EHBP1: variants seen among roughly 807,000 people sequenced by gnomAD.
EHBP1 encodes EH domain-binding protein 1.
EHBP1 carries 55 observed loss-of-function variants against 144.0 expected under a neutral mutation model. The observed-to-expected ratio is 0.38, with a 90% CI of 0.31 to 0.48. The LOEUF (loss-of-function observed/expected upper bound fraction) is 0.48. Ranked by LOEUF, EHBP1 falls within the 20% of genes least tolerant of loss-of-function variation. The pLI, the probability that EHBP1 is intolerant of heterozygous loss-of-function variation, is 0.98. For synonymous variants in EHBP1, 469 were observed against 472.7 expected (o/e 0.99, Z 0.10); for missense variants, 1,200 against 1,364.2 (o/e 0.88, Z 1.90).
rs1048906489 is a variant in EHBP1, at chr2:62,707,047, G to C, written c.-145G>C. ...GATTTACCCTGTGAAACAGGGAGAA[G>C]ACTTATGGACCCCAAGCATCATTTC... On this transcript the variant is annotated 5_prime_UTR_variant, in exon 2 of 23. Transcript: ENST00000431489. 4.5e-5 allele frequency: 28 copies of C among 620,624 alleles called. No individual in the cohort carries two copies. The allele number at this position is 620,624 out of a possible 1,614,324, so 38.4% of individuals were successfully genotyped here.
intron 10 of EHBP1, among the ~76,000 whole-genome samples, chr2:62,940,673 T>C (rs989772089): frequency 3.3e-5 from 5 of 152,208 alleles, no homozygotes; most frequent in Admixed American, 6.5e-5. Context: ...ACAACGGCTC[T>C]ATGATTTTCT....
chr2:62,740,490 A>G (rs2038599821), intron 2 of EHBP1, among the ~76,000 whole-genome samples: 1 of 152,192 alleles, frequency 6.6e-6, no homozygotes, highest in African/African-American at 2.4e-5. Flanking sequence ...ATTACTTGAG[A>G]AAAAGTAAAG....
intron 14 of EHBP1, chr2:62,956,135 T>C (rs2057683038): frequency 6.6e-6 from 1 of 152,350 alleles, no homozygotes; most frequent in South Asian, 2.1e-4. Context: ...AGTCAATAAA[T>C]GGTGAATCCA....
chr2:62,742,117 A>G (rs2038767842), intron 2 of EHBP1, among the ~76,000 whole-genome samples: 1 of 152,134 alleles, frequency 6.6e-6, no homozygotes, highest in Non-Finnish European at 1.5e-5. Context: ...GCTCTACCAT[A>G]TAGTCTAGGT....
intron 19 of EHBP1, among the ~76,000 whole-genome samples, chr2:63,007,574 C>T (rs2060095116): frequency 6.6e-6 from 1 of 151,632 alleles, no homozygotes; most frequent in Non-Finnish European, 1.5e-5. Context: ...TTTCTTATTT[C>T]CTAGTTATAA....
At position 62,989,473 on chromosome 2, in the gene EHBP1, C is replaced by T. The variant is rs10196734; in HGVS notation, c.2609-1243C>T. On this transcript the variant is annotated intron_variant, in intron 15 of 22. Coordinates refer to ENST00000431489, the MANE Select transcript of EHBP1 (RefSeq NM_001142616.3). Reference sequence around the variant, plus strand: ...TAAGGGGAGAATTTTCTAGTTTCAGCTGTAGCAACTTTGGGGGATACTTTA... The same window carrying T: ...TAAGGGGAGAATTTTCTAGTTTCAGTTGTAGCAACTTTGGGGGATACTTTA... Among the ~76,000 whole-genome samples the T allele has an allele frequency of 2.4e-3, 371 of 152,198 alleles. 1 individual carries two copies. Among genetic ancestry groups the T allele is most frequent in the African/African-American group, 8.5e-3 (354 of 41,562 alleles).
intron 3 of EHBP1, among the ~76,000 whole-genome samples, chr2:62,749,774 A>G (rs2039504165): frequency 1.3e-5 from 2 of 152,216 alleles, no homozygotes; most frequent in African/African-American, 4.8e-5. Flanking sequence ...GGCTGCATAA[A>G]TGTCTTCTTT....
At chr2:62,950,845 C>A (rs571286431) in intron 13 of EHBP1, among the ~76,000 whole-genome samples, 103 of 152,136 alleles carry the variant, frequency 6.8e-4, no homozygotes, top group African/African-American at 2.2e-3. Flanking sequence ...GCCACCACAC[C>A]CGGCTAATTT....
intron 1 of EHBP1, among the ~76,000 whole-genome samples, chr2:62,688,555 A>G (rs1219025211): frequency 6.6e-6 from 1 of 152,184 alleles, no homozygotes; most frequent in Non-Finnish European, 1.5e-5. Context: ...GTGTTATAGA[A>G]CACTAAAACT....
At position 62,821,518 on chromosome 2, in the gene EHBP1, A is replaced by G. The variant is rs1362295679; in HGVS notation, c.313-4569A>G. ...AGCCTGAGCAACATAGTGAGATCCC[A>G]TTCAACAAAAAATAAAAAGTGAACT... On this transcript the variant is annotated intron_variant, in intron 5 of 22. Transcript: ENST00000431489. 3.3e-5 allele frequency among the ~76,000 whole-genome samples: 5 copies of G among 151,936 alleles called. No homozygotes were observed. The East Asian group carries it at 7.7e-4, about 23-fold the overall frequency.
chr2:62,728,323 G>A (rs1315492802), intron 2 of EHBP1, among the ~76,000 whole-genome samples: 5 of 152,212 alleles, frequency 3.3e-5, no homozygotes, highest in Non-Finnish European at 7.3e-5. Context: ...CTGTCAAACT[G>A]TTTACCAAAG....
chr2:62,817,009 G>A (rs548824086), intron 5 of EHBP1, among the ~76,000 whole-genome samples: 5 of 152,262 alleles, frequency 3.3e-5, no homozygotes, highest in African/African-American at 1.2e-4. Context: ...TTTAGGAGAG[G>A]TATTATAAAG....
chr2:62,880,706 C>T (rs565520237), intron 10 of EHBP1, among the ~76,000 whole-genome samples: 1 of 152,276 alleles, frequency 6.6e-6, no homozygotes, highest in East Asian at 1.9e-4. Context: ...CAATGAGATA[C>T]TGTCTCATAC....
At chr2:62,744,438 A>G (rs1256975076) in intron 2 of EHBP1, among the ~76,000 whole-genome samples, 1 of 152,094 alleles carries the variant, frequency 6.6e-6, no homozygotes, top group Admixed American at 6.6e-5. Flanking sequence ...TTAAAATATT[A>G]ATTGTGGACA....
At chr2:62,705,266 A>G (rs1192369440), upstream of EHBP1, among the ~76,000 whole-genome samples, 1 of 152,028 alleles carries the variant, frequency 6.6e-6, no homozygotes, top group Non-Finnish European at 1.5e-5. Context: ...AGAGAAACCC[A>G]CAGGCAGCTG....
intron 12 of EHBP1, 125 bp downstream of exon 12, chr2:62,943,975 C>T: frequency 1.7e-6 from 1 of 596,250 alleles, no homozygotes; most frequent in Admixed American, 3.3e-5. Context: ...GGGTTGTCTG[C>T]TTACTGCGGT....
chr2:62,773,570 C>A (rs2041827983), intron 5 of EHBP1, among the ~76,000 whole-genome samples: 1 of 151,902 alleles, frequency 6.6e-6, no homozygotes, highest in African/African-American at 2.4e-5. Context: ...AAGGATTATT[C>A]TTTTTAAGAG....
At chr2:62,718,554 C>G (rs2035911305) in intron 2 of EHBP1, among the ~76,000 whole-genome samples, 2 of 152,118 alleles carry the variant, frequency 1.3e-5, no homozygotes, top group Non-Finnish European at 2.9e-5. Flanking sequence ...ATGGAGATTT[C>G]CATATCCCCT....
At chr2:62,764,503 T>C in intron 4 of EHBP1, 142 bp downstream of exon 4, 1 of 508,148 alleles carries the variant, frequency 2.0e-6, no homozygotes, top group Non-Finnish European at 3.3e-6. Context: ...TAGCAATTTA[T>C]AACAATGCAA....
Sources: allele counts gnomAD v4.1 joint callset (sites outside exome capture counted in the v4.1 genomes callset), GRCh38; gene constraint gnomAD v4.1.1; transcripts MANE v1.5; gene names NCBI Gene and HGNC (gene_info 2026-07-23, HGNC 2026-07-21).